MCTP2: variants seen among roughly 807,000 people sequenced by gnomAD.
MCTP2 encodes the protein multiple C2 and transmembrane domain containing 2.
In MCTP2, 132 loss-of-function variants were observed where a neutral mutation model predicts 111.6. That is an observed-to-expected ratio of 1.18 (90% CI 1.03 to 1.37). The LOEUF (loss-of-function observed/expected upper bound fraction) is 1.37, where lower values mean the gene tolerates loss of function less well. Ranked by LOEUF, MCTP2 falls within the 40% of genes most tolerant of loss-of-function variation. The pLI, the probability that MCTP2 is intolerant of heterozygous loss-of-function variation, is 0.00. For synonymous variants in MCTP2, 395 were observed against 387.7 expected, an observed-to-expected ratio of 1.02 and a Z score of -0.22; for missense variants, 1,183 against 1,067.9, an observed-to-expected ratio of 1.11 and a Z score of -1.50.
intron 1 of MCTP2, among the ~76,000 whole-genome samples, chr15:94,256,717 C>A (rs1375478996): frequency 6.6e-6 from 1 of 152,100 alleles, no homozygotes; most frequent in African/African-American, 2.4e-5. Context: ...CTGAGTGGAC[C>A]CAACAGGCAG....
chr15:94,247,009 T>C (rs1003579687), intron 1 of MCTP2, among the ~76,000 whole-genome samples: 4 of 152,206 alleles, frequency 2.6e-5, no homozygotes, highest in Non-Finnish European at 5.9e-5. Flanking sequence ...GCAAATGTCA[T>C]GTTAATGCAT....
intron 17 of MCTP2, among the ~76,000 whole-genome samples, chr15:94,432,160 G>A (rs2083223865): frequency 6.6e-6 from 1 of 152,106 alleles, no homozygotes; most frequent in Non-Finnish European, 1.5e-5. Flanking sequence ...TTTAACCCAG[G>A]AGTTTAGTAA....
chr15:94,243,726 C>T (rs543168229), intron 1 of MCTP2, among the ~76,000 whole-genome samples: 57 of 108,442 alleles, frequency 5.3e-4, no homozygotes, highest in South Asian at 3.6e-3. Flanking sequence ...TATACACATA[C>T]ATATGTGTAT....
intron 14 of MCTP2, among the ~76,000 whole-genome samples, chr15:94,391,088 A>G (rs2080939966): frequency 6.6e-6 from 1 of 151,868 alleles, no homozygotes; most frequent in African/African-American, 2.4e-5. Flanking sequence ...CCAATGTCAC[A>G]AATGACTGTA....
chr15:94,254,911 C>A (rs2072668916), intron 1 of MCTP2, among the ~76,000 whole-genome samples: 1 of 152,160 alleles, frequency 6.6e-6, no homozygotes, highest in African/African-American at 2.4e-5. Context: ...TTGTATTATT[C>A]CTCTAAAGCT....
intron 1 of MCTP2, among the ~76,000 whole-genome samples, chr15:94,246,383 A>G (rs1159327078): frequency 2.0e-5 from 3 of 152,132 alleles, no homozygotes; most frequent in Non-Finnish European, 2.9e-5. Flanking sequence ...TACCTACCTT[A>G]TAGAGTTATG....
chr15:94,245,322 TTACA>T (rs1344410561), intron 1 of MCTP2, among the ~76,000 whole-genome samples: 6 of 141,250 alleles, frequency 4.2e-5, no homozygotes, highest in African/African-American at 7.6e-5. Context: ...GTACATATAT[TTACA>T]TACATATGTG....
chr15:94,330,730 G>GTGTT (rs113425808), intron 4 of MCTP2, among the ~76,000 whole-genome samples: 16 of 151,496 alleles, frequency 1.1e-4, no homozygotes, highest in East Asian at 1.9e-4. Context: ...GCATATGGGA[G>GTGTT]TGTTTGTTTG....
intron 22 of MCTP2, among the ~76,000 whole-genome samples, chr15:94,478,238 C>T (rs988861575): frequency 6.6e-6 from 1 of 152,224 alleles, no homozygotes; most frequent in African/African-American, 2.4e-5. Flanking sequence ...CAAGGATTCT[C>T]TGTGCAGAGT....
At chr15:94,243,930 T>C (rs1197936371) in intron 1 of MCTP2, among the ~76,000 whole-genome samples, 2 of 145,060 alleles carry the variant, frequency 1.4e-5, no homozygotes, top group Admixed American at 6.8e-5. Context: ...TTTACACATA[T>C]GTGTACACAT....
chr15:94,351,804 G>A (rs1161529558), intron 8 of MCTP2, among the ~76,000 whole-genome samples: 1 of 152,198 alleles, frequency 6.6e-6, no homozygotes, highest in Non-Finnish European at 1.5e-5. Context: ...GTTCTGGAGT[G>A]CCACCTAGTT....
intron 14 of MCTP2, among the ~76,000 whole-genome samples, chr15:94,390,088 A>ATATG (rs1567602788): frequency 6.4e-4 from 7 of 10,892 alleles, no homozygotes; most frequent in Admixed American, 1.4e-3. Context: ...ATATATATAT[A>ATATG]TGTATATATA....
chr15:94,361,522 A>T (rs752603368), intron 10 of MCTP2, among the ~76,000 whole-genome samples: 20 of 152,184 alleles, frequency 1.3e-4, no homozygotes, highest in Non-Finnish European at 2.5e-4. Context: ...ATCATGGCTA[A>T]CAGTAACAAC....
chr15:94,282,991 C>T (rs1033366829), intron 1 of MCTP2, among the ~76,000 whole-genome samples: 4 of 151,930 alleles, frequency 2.6e-5, no homozygotes, highest in Admixed American at 1.3e-4. Flanking sequence ...TCCAGTGGGG[C>T]GGTGGTGTGT....
rs146815647 is a variant in MCTP2, at chr15:94,367,707, A to G, written c.1404A>G (p.Thr468=). ...CTCTCCTTATGTTGGTCACACTTAC[A>G]CCCTGTGCGGGGGTCTCCGTCTCTG... ...LGALLMLVTL[T]PCAGVSVSDL... Residue 468 remains threonine (T), a synonymous_variant, in exon 11 of 23, where the codon ACA becomes ACG. Transcript: ENST00000357742. The G allele has an allele frequency of 1.2e-3, 1,922 of 1,610,244 alleles. 18 individuals carry two copies. In the African/African-American group the frequency reaches 0.018, roughly 15 times the overall value.
intron 20 of MCTP2, among the ~76,000 whole-genome samples, chr15:94,465,137 A>T (rs1212501332): frequency 6.6e-6 from 1 of 152,054 alleles, no homozygotes; most frequent in Non-Finnish European, 1.5e-5. Flanking sequence ...TTTGGTTTGT[A>T]GATGTTAAAA....
intron 17 of MCTP2, among the ~76,000 whole-genome samples, chr15:94,411,711 A>AT (rs2082159436): frequency 6.6e-6 from 1 of 151,730 alleles, no homozygotes; most frequent in Admixed American, 6.6e-5. Context: ...TTAGAGGGAG[A>AT]TTTTTATTAT....
chr15:94,295,693 T>C (rs765272284), intron 1 of MCTP2, among the ~76,000 whole-genome samples: 4 of 152,176 alleles, frequency 2.6e-5, no homozygotes, highest in Non-Finnish European at 5.9e-5. Flanking sequence ...TATTTAAATA[T>C]TTTTTCTTTC....
intron 17 of MCTP2, among the ~76,000 whole-genome samples, chr15:94,419,808 T>C (rs973330887): frequency 7.2e-5 from 11 of 151,926 alleles, no homozygotes; most frequent in African/African-American, 2.4e-4. Context: ...ATCTAACAAG[T>C]TTATTGGCAC....
Sources: allele counts gnomAD v4.1 joint callset (sites outside exome capture counted in the v4.1 genomes callset), GRCh38; gene constraint gnomAD v4.1.1; transcripts MANE v1.5; gene names NCBI Gene and HGNC (gene_info 2026-07-23, HGNC 2026-07-21).